The following SGCZ variants were observed in gnomAD, a reference collection of about 807,000 sequenced individuals.
SGCZ encodes sarcoglycan zeta.
A neutral mutation model predicts 41.3 loss-of-function variants in SGCZ; 40 were observed. The ratio of observed to expected loss-of-function variants is 0.97; its 90% CI spans 0.75 to 1.26. SGCZ has a LOEUF of 1.26. SGCZ is among the 50% of genes most tolerant of loss of function. SGCZ has a pLI of 0.00. For synonymous variants in SGCZ, 206 were observed against 137.5 expected (o/e 1.50, Z -3.49); for missense variants, 552 against 369.8 (o/e 1.49, Z -4.04).
chr8:14,847,176 A>C (rs948511692), intron 1 of SGCZ, among the ~76,000 whole-genome samples: 9 of 146,648 alleles, frequency 6.1e-5, no homozygotes, highest in Non-Finnish European at 3.0e-5. Flanking sequence ...AAGAAGAAGA[A>C]GAAGAAGAAG....
At chr8:14,268,031 C>T (rs963866262) in intron 3 of SGCZ, among the ~76,000 whole-genome samples, 2 of 150,946 alleles carry the variant, frequency 1.3e-5, no homozygotes, top group Non-Finnish European at 3.0e-5. Context: ...AAAGTTATAG[C>T]CTAATTTACT....
intron 2 of SGCZ, among the ~76,000 whole-genome samples, chr8:14,357,746 C>T (rs1271482527): frequency 6.6e-6 from 1 of 152,128 alleles, no homozygotes; most frequent in Non-Finnish European, 1.5e-5. Context: ...ATTATGATCT[C>T]TAATTTGCAG....
chr8:14,439,915 G>A (rs984408965), intron 2 of SGCZ, among the ~76,000 whole-genome samples: 5 of 151,550 alleles, frequency 3.3e-5, no homozygotes, highest in African/African-American at 9.7e-5. Flanking sequence ...CCATTATATT[G>A]GTAACTGACT....
At position 15,139,776 on chromosome 8, in the gene SGCZ, A is replaced by G. The variant is rs903659591; in HGVS notation, c.39+97809T>C. Among the ~76,000 whole-genome samples the G allele has an allele frequency of 3.3e-5, 5 of 151,634 alleles. No homozygotes were observed. The South Asian group carries it at 1.0e-3, about 32-fold the overall frequency. On this transcript the variant is annotated intron_variant, in intron 1 of 7. Coordinates refer to ENST00000382080, the MANE Select transcript of SGCZ (RefSeq NM_139167.4). Reference sequence around the variant, plus strand: ...TCAGACCTACACCTCTCCATTTCTCACTCTCTCCCCTGCAATTACTGTTTT... The same window carrying G: ...TCAGACCTACACCTCTCCATTTCTCGCTCTCTCCCCTGCAATTACTGTTTT...
chr8:14,216,134 T>C (rs1012552216), intron 4 of SGCZ, among the ~76,000 whole-genome samples: 2 of 152,238 alleles, frequency 1.3e-5, no homozygotes, highest in South Asian at 2.1e-4. Context: ...TTGCAGGTAA[T>C]GATTAAAGGC....
intron 1 of SGCZ, among the ~76,000 whole-genome samples, chr8:14,556,578 G>A (rs542696053): frequency 3.0e-4 from 46 of 151,906 alleles, no homozygotes; most frequent in African/African-American, 7.5e-4. Context: ...GCCTTTTCTC[G>A]TTCACTCACT....
intron 3 of SGCZ, among the ~76,000 whole-genome samples, chr8:14,305,898 C>G (rs1366382008): frequency 1.3e-5 from 2 of 152,204 alleles, no homozygotes; most frequent in East Asian, 1.9e-4. Flanking sequence ...GGGCACCATT[C>G]TGCCACCACG....
At chr8:14,267,331 G>GA (rs1311504746) in intron 3 of SGCZ, among the ~76,000 whole-genome samples, 5 of 151,822 alleles carry the variant, frequency 3.3e-5, no homozygotes, top group Non-Finnish European at 7.4e-5. Context: ...CCCACGGGAG[G>GA]AAAAAAGCAT....
At chr8:14,757,176 GTA>G (rs1413226904) in intron 1 of SGCZ, among the ~76,000 whole-genome samples, 1 of 152,022 alleles carries the variant, frequency 6.6e-6, no homozygotes, top group Non-Finnish European at 1.5e-5. Flanking sequence ...AGCCTCCCTA[GTA>G]GCTGGGATTA....
chr8:14,988,145 C>T (rs1266652298), intron 1 of SGCZ, among the ~76,000 whole-genome samples: 2 of 151,942 alleles, frequency 1.3e-5, no homozygotes, highest in South Asian at 2.1e-4. Context: ...TTAGGGGATA[C>T]ATCTCATTCT....
chr8:14,530,687 C>G (rs563475556), intron 2 of SGCZ, among the ~76,000 whole-genome samples: 124 of 550 alleles, frequency 0.23, no homozygotes, highest in Middle Eastern at 0.5. Context: ...ATATTTTTAT[C>G]AAGAATGATT....
chr8:14,889,133 C>A (rs1260617186), intron 1 of SGCZ, among the ~76,000 whole-genome samples: 45 of 151,978 alleles, frequency 3.0e-4, no homozygotes, highest in Admixed American at 3.0e-3. Flanking sequence ...CAGTTTAAAC[C>A]ATTTAATTTC....
At chr8:14,496,008 A>G (rs1234819799) in intron 2 of SGCZ, among the ~76,000 whole-genome samples, 1 of 152,158 alleles carries the variant, frequency 6.6e-6, no homozygotes, top group Non-Finnish European at 1.5e-5. Context: ...TATTTAATCT[A>G]CAGAACACTG....
At chr8:14,877,567 G>C (rs1200852094) in intron 1 of SGCZ, among the ~76,000 whole-genome samples, 1 of 151,946 alleles carries the variant, frequency 6.6e-6, no homozygotes, top group Non-Finnish European at 1.5e-5. Flanking sequence ...TCTAAGCATA[G>C]ATATTTCTTC....
At chr8:14,568,308 G>T (rs1007864853) in intron 1 of SGCZ, among the ~76,000 whole-genome samples, 3 of 151,820 alleles carry the variant, frequency 2.0e-5, no homozygotes, top group Admixed American at 1.3e-4. Context: ...TAGATCATGG[G>T]TTGATAGGTG....
chr8:14,903,476 G>A (rs1799032999), intron 1 of SGCZ, among the ~76,000 whole-genome samples: 1 of 152,050 alleles, frequency 6.6e-6, no homozygotes, highest in Non-Finnish European at 1.5e-5. Flanking sequence ...ATGCAAATGG[G>A]TTATCTGGGT....
chr8:15,201,759 G>T (rs988150918), intron 1 of SGCZ, among the ~76,000 whole-genome samples: 1 of 152,100 alleles, frequency 6.6e-6, no homozygotes, highest in Non-Finnish European at 1.5e-5. Flanking sequence ...CCACCTTCTG[G>T]CTTTTTGGTA....
intron 2 of SGCZ, among the ~76,000 whole-genome samples, chr8:14,541,505 G>A (rs577217639): frequency 2.6e-5 from 4 of 152,210 alleles, no homozygotes; most frequent in East Asian, 1.9e-4. Flanking sequence ...AGTATTCCAT[G>A]GTGAATATGT....
At chr8:14,923,093 A>T (rs28562848) in intron 1 of SGCZ, among the ~76,000 whole-genome samples, 43,035 of 152,034 alleles carry the variant, frequency 0.28, 6,875 homozygotes, top group African/African-American at 0.42. Flanking sequence ...TTTTACAGCT[A>T]GTGTCTGCAA....
Sources: allele counts gnomAD v4.1 joint callset (sites outside exome capture counted in the v4.1 genomes callset), GRCh38; gene constraint gnomAD v4.1.1; transcripts MANE v1.5; gene names NCBI Gene and HGNC (gene_info 2026-07-23, HGNC 2026-07-21).